Variants in ZNF704 observed in about 807,000 individuals in gnomAD.
ZNF704 encodes glucocorticoid induced gene 1.
A neutral mutation model predicts 44.7 loss-of-function variants in ZNF704; 10 were observed. That is an observed-to-expected ratio of 0.22 (90% CI 0.14 to 0.38). The LOEUF (loss-of-function observed/expected upper bound fraction) is 0.38. ZNF704 is among the 10% of genes least tolerant of loss of function. The pLI, the probability that ZNF704 is intolerant of heterozygous loss-of-function variation, is 1.00. For synonymous variants in ZNF704, 211 were observed against 207.6 expected, an observed-to-expected ratio of 1.02 and a Z score of -0.14; for missense variants, 390 against 545.5, an observed-to-expected ratio of 0.71 and a Z score of 2.84.
intron 2 of ZNF704, among the ~76,000 whole-genome samples, chr8:80,731,591 T>C (rs1806582751): frequency 6.6e-6 from 1 of 152,196 alleles, no homozygotes; most frequent in South Asian, 2.1e-4. Context: ...AATAGCTGAA[T>C]GTTTTATAGC....
intron 2 of ZNF704, among the ~76,000 whole-genome samples, chr8:80,705,864 G>T (rs1427727824): frequency 6.6e-6 from 1 of 152,154 alleles, no homozygotes; most frequent in Middle Eastern, 3.2e-3. Context: ...ATCAAACTCT[G>T]GAAAGTGCTC....
chr8:80,681,039 G>A (rs1818445071), intron 4 of ZNF704, among the ~76,000 whole-genome samples: 1 of 151,916 alleles, frequency 6.6e-6, no homozygotes, highest in Non-Finnish European at 1.5e-5. Flanking sequence ...ACTGTTTCTT[G>A]TATCAGTAGT....
At chr8:80,772,030 A>C (rs964438148) in intron 2 of ZNF704, among the ~76,000 whole-genome samples, 1 of 152,158 alleles carries the variant, frequency 6.6e-6, no homozygotes, top group Non-Finnish European at 1.5e-5. Context: ...TTTTGCTACA[A>C]TGATTGATCT....
intron 2 of ZNF704, among the ~76,000 whole-genome samples, chr8:80,778,489 A>G (rs1233978532): frequency 4.6e-5 from 7 of 152,208 alleles, no homozygotes; most frequent in Non-Finnish European, 1.5e-5. Context: ...CATTCAACCC[A>G]GTAGTCCCAT....
At chr8:80,793,953 T>C (rs544686650) in intron 2 of ZNF704, among the ~76,000 whole-genome samples, 3 of 152,292 alleles carry the variant, frequency 2.0e-5, no homozygotes, top group Non-Finnish European at 4.4e-5. Flanking sequence ...TTGAATGGTA[T>C]CCAGTACAAA....
intron 7 of ZNF704, 99 bp from the exon 8 acceptor site, chr8:80,643,228 G>A (rs1016371652): frequency 8.8e-6 from 7 of 799,162 alleles, no homozygotes; most frequent in Non-Finnish European, 1.3e-5. Context: ...ACCATTAGAA[G>A]CAGAGATGAG....
Position 80,721,266 on chromosome 8 carries a change from A to G in ZNF704, c.222-28159T>C, listed in dbSNP as rs148952953. On this transcript the variant is annotated intron_variant, in intron 2 of 8. Coordinates refer to ENST00000327835, the MANE Select transcript of ZNF704 (RefSeq NM_001033723.3). The stretch of plus-strand genomic sequence containing the variant: ...GAATTTATTTTGGAATGATGTGGTA[A>G]CTTTAAGGAAATAGAGGAGAGAGCT... 2.4e-3 allele frequency among the ~76,000 whole-genome samples: 363 copies of G among 152,320 alleles called. 1 individual carries two copies. The highest frequency in any genetic ancestry group is 8.3e-3 in the African/African-American group (345 of 41,582).
intron 2 of ZNF704, among the ~76,000 whole-genome samples, chr8:80,729,449 C>T (rs932241949): frequency 2.6e-5 from 4 of 152,072 alleles, no homozygotes; most frequent in South Asian, 2.1e-4. Context: ...TACTGCCTGG[C>T]GTGCAGAAGG....
chr8:80,721,304 A>C (rs578186121), intron 2 of ZNF704, among the ~76,000 whole-genome samples: 2 of 152,288 alleles, frequency 1.3e-5, no homozygotes, highest in East Asian at 3.9e-4. Flanking sequence ...AGATTCCTTT[A>C]TAATAAAAAG....
At chr8:80,786,963 G>A (rs766194401) in intron 2 of ZNF704, among the ~76,000 whole-genome samples, 1 of 152,190 alleles carries the variant, frequency 6.6e-6, no homozygotes, top group Non-Finnish European at 1.5e-5. Context: ...TAGTAAGTCC[G>A]TGTTAGTTGT....
At chr8:80,836,876 T>G (rs1808592337) in intron 1 of ZNF704, among the ~76,000 whole-genome samples, 1 of 152,208 alleles carries the variant, frequency 6.6e-6, no homozygotes, top group African/African-American at 2.4e-5. Context: ...TCTTACAAAC[T>G]GCATAATTAT....
At chr8:80,680,041 G>C (rs566352572) in intron 4 of ZNF704, among the ~76,000 whole-genome samples, 5 of 152,106 alleles carry the variant, frequency 3.3e-5, no homozygotes, top group Admixed American at 1.3e-4. Flanking sequence ...CCTACCAATA[G>C]TAAGCCTCAA....
intron 2 of ZNF704, among the ~76,000 whole-genome samples, chr8:80,789,452 A>AT (rs1261472313): frequency 6.6e-6 from 1 of 152,242 alleles, no homozygotes; most frequent in Non-Finnish European, 1.5e-5. Flanking sequence ...TACAAAGAGC[A>AT]TAACTAAAAA....
chr8:80,848,772 CAA>C (rs1158970077), intron 1 of ZNF704, among the ~76,000 whole-genome samples: 1 of 141,476 alleles, frequency 7.1e-6, no homozygotes, highest in Non-Finnish European at 1.5e-5. Context: ...GACCCTGTCT[CAA>C]AAAAAAAGTT....
In ZNF704 at chr8:80,709,301, G is replaced by A. The variant is rs982009383; in HGVS notation, c.222-16194C>T. On this transcript the variant is annotated intron_variant, in intron 2 of 8. Transcript: ENST00000327835. ...CTATTAAAAATACAAAAAATTAGCC[G>A]AGCATGGTGGCGGGCGCGTGTAGTC... Among the ~76,000 whole-genome samples the A allele has an allele frequency of 2.6e-5, 4 of 151,826 alleles. No homozygotes were observed. In the East Asian group the frequency reaches 5.8e-4, roughly 22 times the overall value.
chr8:80,870,158 A>C (rs186451349), intron 1 of ZNF704, among the ~76,000 whole-genome samples: 3 of 152,294 alleles, frequency 2.0e-5, no homozygotes, highest in East Asian at 1.9e-4. Context: ...TAACCCACAG[A>C]AACTCTAAGA....
At chr8:80,773,517 G>A (rs553873571) in intron 2 of ZNF704, among the ~76,000 whole-genome samples, 225 of 152,248 alleles carry the variant, frequency 1.5e-3, no homozygotes, top group African/African-American at 5.2e-3. Context: ...AAACTCAAGA[G>A]GAGAATGTTA....
chr8:80,746,611 T>C (rs28575659), intron 2 of ZNF704, among the ~76,000 whole-genome samples: 137 of 152,282 alleles, frequency 9.0e-4, no homozygotes, highest in African/African-American at 3.2e-3. Context: ...ACACTAAGTT[T>C]GGCAGCACAA....
chr8:80,712,076 A>AC (rs2131660663), intron 2 of ZNF704, among the ~76,000 whole-genome samples: 1 of 152,332 alleles, frequency 6.6e-6, no homozygotes. Flanking sequence ...CGGAGGTGAG[A>AC]CCTTTAAGAG....
Sources: gnomAD v4.1 joint callset for allele counts (sites outside exome capture counted in the v4.1 genomes callset) on GRCh38, gnomAD v4.1.1 for gene constraint, MANE v1.5 for transcripts, NCBI Gene and HGNC (gene_info 2026-07-23, HGNC 2026-07-21) for gene names.